HCN1: variants seen among roughly 807,000 people sequenced by gnomAD.
The protein encoded by HCN1 is hyperpolarization activated cyclic nucleotide gated potassium channel 1, also known as potassium/sodium hyperpolarization-activated cyclic nucleotide-gated channel 1.
A neutral mutation model predicts 78.9 loss-of-function variants in HCN1; 13 were observed. That is an observed-to-expected ratio of 0.16 (90% confidence interval 0.11 to 0.26). The LOEUF (loss-of-function observed/expected upper bound fraction) is 0.26. Ranked by LOEUF, HCN1 falls within the 10% of genes least tolerant of loss-of-function variation. The pLI is 1.00. For synonymous variants in HCN1, 552 were observed against 455.5 expected, an observed-to-expected ratio of 1.21 and a Z score of -2.70; for missense variants, 810 against 1,154.3, an observed-to-expected ratio of 0.70 and a Z score of 4.32.
chr5:45,534,404 C>CAAAAAAAAAAAAAA lies in HCN1; in HGVS notation c.850-72411_850-72398dup, dbSNP rs71000637. Among the ~76,000 whole-genome samples the CAAAAAAAAAAAAAA allele has an allele frequency of 1.1e-3, 32 of 29,316 alleles. 7 individuals are homozygous for CAAAAAAAAAAAAAA. Among genetic ancestry groups the CAAAAAAAAAAAAAA allele is most frequent in the Non-Finnish European group, 1.2e-3 (23 of 18,480 alleles). The allele number at this position is 29,316 out of a possible 152,430, so 19.2% of individuals were successfully genotyped here. A position where few individuals can be genotyped will look rare whatever the true frequency, so the allele number is the denominator to read the frequency against. On this transcript the variant is annotated intron_variant, in intron 2 of 7. Transcript: ENST00000303230. ...TGGGCAACAGAGTGAGACTGCATCT[C>CAAAAAAAAAAAAAA]AAAAAAAAAAAAAAAAAAAAAAAAA... is the stretch of plus-strand genomic sequence containing the variant.
chr5:45,629,351 T>G (rs1745229907), intron 2 of HCN1, among the ~76,000 whole-genome samples: 1 of 152,172 alleles, frequency 6.6e-6, no homozygotes, highest in Non-Finnish European at 1.5e-5. Flanking sequence ...TTGACCTAAT[T>G]GACTATTACA....
At chr5:45,264,229 C>G (rs111736981) in intron 7 of HCN1, among the ~76,000 whole-genome samples, 1,525 of 152,274 alleles carry the variant, frequency 0.01, 22 homozygotes, top group African/African-American at 0.034. Flanking sequence ...ATAAATTTTA[C>G]CTTTTCCTGC....
chr5:45,639,889 G>C (rs1169438303), intron 2 of HCN1, among the ~76,000 whole-genome samples: 1 of 152,036 alleles, frequency 6.6e-6, no homozygotes, highest in Non-Finnish European at 1.5e-5. Context: ...GGCACCTTTT[G>C]ATTAAGTCCA....
At chr5:45,477,020 C>A (rs1451732531) in intron 2 of HCN1, among the ~76,000 whole-genome samples, 1 of 151,946 alleles carries the variant, frequency 6.6e-6, no homozygotes, top group East Asian at 1.9e-4. Flanking sequence ...TTTATATCAC[C>A]CCAAGGCATA....
At chr5:45,304,337 A>G (rs1745686317) in intron 5 of HCN1, among the ~76,000 whole-genome samples, 1 of 151,666 alleles carries the variant, frequency 6.6e-6, no homozygotes. Flanking sequence ...TAGAGTGAGG[A>G]CAATGGATAG....
In HCN1 at chr5:45,261,653, C is replaced by T. The variant is rs1230067643; in HGVS notation, c.*268G>A. The T allele has an allele frequency of 7.5e-6, 2 of 266,198 alleles. No homozygotes were observed. The highest frequency in any genetic ancestry group is 7.3e-5 in the East Asian group (1 of 13,786). The allele number at this position is 266,198 out of a possible 1,614,324, so 16.5% of individuals were successfully genotyped here. On this transcript the variant is annotated 3_prime_UTR_variant, in exon 8 of 8. Coordinates refer to ENST00000303230, the MANE Select transcript of HCN1 (RefSeq NM_021072.4). ...AGGTTAGAAATAAATAATCTTACAA[C>T]GACATTTTAAATCCTTTAATGATTT...
At chr5:45,518,563 T>C (rs1241948752) in intron 2 of HCN1, among the ~76,000 whole-genome samples, 1 of 151,950 alleles carries the variant, frequency 6.6e-6, no homozygotes, top group South Asian at 2.1e-4. Context: ...ATGCACAGCC[T>C]GAGGAGGAGG....
intron 1 of HCN1, among the ~76,000 whole-genome samples, chr5:45,646,131 C>T (rs1028146940): frequency 3.3e-5 from 5 of 151,846 alleles, no homozygotes; most frequent in Admixed American, 6.6e-5. Flanking sequence ...ATTAGTTTTG[C>T]CATGGAATCT....
In HCN1 at chr5:45,549,455, T is replaced by C. The variant is rs1416531058; in HGVS notation, c.850-87448A>G. On this transcript the variant is annotated intron_variant, in intron 2 of 7. Transcript: ENST00000303230. ...AACTGGCTAGCCATATGTAGAAAGC[T>C]GAAACTGGATCCCTTCCATACACCT... 2.6e-5 allele frequency among the ~76,000 whole-genome samples: 4 copies of C among 152,250 alleles called. No homozygotes were observed. The East Asian group carries it at 7.7e-4, about 29-fold the overall frequency.
At chr5:45,651,992 A>T (rs148659835) in intron 1 of HCN1, among the ~76,000 whole-genome samples, 22 of 152,172 alleles carry the variant, frequency 1.4e-4, no homozygotes, top group African/African-American at 4.8e-4. Flanking sequence ...GACTATATTT[A>T]AAGGCATTTA....
At chr5:45,637,094 A>T (rs1257111210) in intron 2 of HCN1, among the ~76,000 whole-genome samples, 6 of 152,120 alleles carry the variant, frequency 3.9e-5, no homozygotes, top group Non-Finnish European at 7.4e-5. Context: ...GTCAATGAGG[A>T]AGTTGATTAA....
chr5:45,572,089 C>T (rs1361297751), intron 2 of HCN1, among the ~76,000 whole-genome samples: 2 of 152,114 alleles, frequency 1.3e-5, no homozygotes, highest in East Asian at 3.9e-4. Flanking sequence ...TTCCACTCTT[C>T]TCTCCATTCA....
At chr5:45,422,632 A>T (rs913119013) in intron 3 of HCN1, among the ~76,000 whole-genome samples, 1 of 152,200 alleles carries the variant, frequency 6.6e-6, no homozygotes, top group East Asian at 1.9e-4. Flanking sequence ...AAATTTGTGC[A>T]TGTAGACAGA....
At chr5:45,447,165 T>C (rs1017718502) in intron 3 of HCN1, among the ~76,000 whole-genome samples, 1 of 152,064 alleles carries the variant, frequency 6.6e-6, no homozygotes, top group Admixed American at 6.6e-5. Context: ...GACACACATA[T>C]GCTCAAAATA....
chr5:45,470,783 C>T (rs1020144398), intron 2 of HCN1, among the ~76,000 whole-genome samples: 19 of 151,934 alleles, frequency 1.3e-4, no homozygotes, highest in African/African-American at 4.6e-4. Flanking sequence ...ACTGGGTTCA[C>T]CACGGCTTAT....
intron 1 of HCN1, among the ~76,000 whole-genome samples, chr5:45,654,093 C>T (rs1462587686): frequency 1.3e-5 from 2 of 151,978 alleles, no homozygotes; most frequent in African/African-American, 2.4e-5. Flanking sequence ...TTCAAGGGGA[C>T]TTATATTGCA....
intron 6 of HCN1, among the ~76,000 whole-genome samples, chr5:45,273,436 T>C (rs923414846): frequency 1.3e-5 from 2 of 152,150 alleles, no homozygotes; most frequent in African/African-American, 4.8e-5. Context: ...CTGACATTAC[T>C]GTCACCTACA....
At chr5:45,592,286 G>A (rs1744381629) in intron 2 of HCN1, among the ~76,000 whole-genome samples, 2 of 151,656 alleles carry the variant, frequency 1.3e-5, no homozygotes, top group South Asian at 4.1e-4. Context: ...AGTTCATAAT[G>A]AAAATAAACC....
Position 45,260,400 on chromosome 5 carries a change from A to C in HCN1, c.*1521T>G, listed in dbSNP as rs1744708281. The C allele has an allele frequency of 6.6e-6, 1 of 152,362 alleles. No individual in the cohort carries two copies. Among genetic ancestry groups the C allele is most frequent in the South Asian group, 2.1e-4 (1 of 4,830 alleles). The allele number at this position is 152,362 out of a possible 1,614,324, so 9.4% of individuals were successfully genotyped here. On this transcript the variant is annotated 3_prime_UTR_variant, in exon 8 of 8. Transcript: ENST00000303230. ...AGAAGCAGGTGCTCACAGATCATGTAAAGAGTTAAGAAAACAGACAGACAA... is the reference window on the plus strand; with the variant it reads ...AGAAGCAGGTGCTCACAGATCATGTCAAGAGTTAAGAAAACAGACAGACAA...
Sources: allele counts gnomAD v4.1 joint callset (sites outside exome capture counted in the v4.1 genomes callset), GRCh38; gene constraint gnomAD v4.1.1; transcripts MANE v1.5; gene names NCBI Gene and HGNC (gene_info 2026-07-23, HGNC 2026-07-21).